FGF13: variants seen among roughly 807,000 people sequenced by gnomAD.
The protein encoded by FGF13 is fibroblast growth factor homologous factor 2.
Under a neutral mutation model 19.5 loss-of-function variants are expected in FGF13, and 2 were observed. That is an observed-to-expected ratio of 0.10 (90% CI 0.04 to 0.32). FGF13 has a LOEUF of 0.32. Ranked by LOEUF, FGF13 falls within the 10% of genes least tolerant of loss-of-function variation. The pLI is 1.00. For missense variants in FGF13, 113 were observed against 192.7 expected, an observed-to-expected ratio of 0.59 and a Z score of 2.45; for synonymous variants, 72 against 76.9, an observed-to-expected ratio of 0.94 and a Z score of 0.33.
At chrX:138,655,427 G>A (rs755836902) in intron 3 of FGF13, among the ~76,000 whole-genome samples, 2 of 112,221 alleles carry the variant, frequency 1.8e-5, no homozygotes, top group East Asian at 2.8e-4. Flanking sequence ...CTATCTTGAC[G>A]ATGGTAGAAG....
chrX:139,064,364 G>A (rs1459509622), intron 1 of FGF13, among the ~76,000 whole-genome samples: 3 of 61,283 alleles, frequency 4.9e-5, no homozygotes, highest in Admixed American at 2.6e-4. Flanking sequence ...CTGCAGTGGC[G>A]CAATCTCGGC....
At chrX:138,646,753 C>T (rs973247030) in intron 3 of FGF13, among the ~76,000 whole-genome samples, 3 of 111,473 alleles carry the variant, frequency 2.7e-5, no homozygotes, top group Non-Finnish European at 5.6e-5. Context: ...TTTTCAGGTA[C>T]AGACGCAGGT....
At chrX:138,773,113 A>T (rs936598447) in intron 3 of FGF13, among the ~76,000 whole-genome samples, 1 of 111,414 alleles carries the variant, frequency 9.0e-6, no homozygotes, top group African/African-American at 3.3e-5. Context: ...TGATTGAATG[A>T]ATGATCAGCA....
At chrX:139,198,531 A>G (rs1379630949) in intron 1 of FGF13, among the ~76,000 whole-genome samples, 1 of 111,977 alleles carries the variant, frequency 8.9e-6, no homozygotes, top group Non-Finnish European at 1.9e-5. Flanking sequence ...TACTATTTCT[A>G]TTTGAAAATC....
In FGF13 at chrX:139,177,924, C is replaced by T. The variant is rs1428455317; in HGVS notation, c.-113+25492G>A. The stretch of plus-strand genomic sequence containing the variant: ...CATGGGAAAAGCATAGTATCTGGTC[C>T]GGAATGCACTGTTCCTCACAGCACA... On this transcript the variant is annotated intron_variant, in intron 1 of 2. Transcript: ENST00000421460. 3.6e-5 allele frequency among the ~76,000 whole-genome samples: 4 copies of T among 112,212 alleles called. No homozygotes were observed. In the East Asian group the frequency reaches 8.5e-4, roughly 24 times the overall value.
chrX:138,815,136 A>G (rs2090952585), intron 3 of FGF13, among the ~76,000 whole-genome samples: 2 of 111,037 alleles, frequency 1.8e-5, no homozygotes, highest in African/African-American at 6.5e-5. Context: ...AAATCTAAAA[A>G]TGTCAAACTC....
In FGF13 at chrX:138,711,352, C is replaced by CA. The variant is rs757479747; in HGVS notation, c.-350dup. ...GCGCCCGGCGGACACCGTGCATGTCCAGCTGCTCCGGTCCGAATTTCGCCG... is the reference window on the plus strand; with the variant it reads ...GCGCCCGGCGGACACCGTGCATGTCCAAGCTGCTCCGGTCCGAATTTCGCCG... On this transcript the variant is annotated 5_prime_UTR_variant, in exon 1 of 5. Transcript: ENST00000315930. The CA allele has an allele frequency of 5.3e-6, 3 of 563,746 alleles. No individual in the cohort carries two copies. The highest frequency in any genetic ancestry group is 8.6e-5 in the African/African-American group (1 of 11,594). 46.5% of individuals were successfully genotyped at this position (563,746 alleles called of 1,213,427 possible).
intron 3 of FGF13, among the ~76,000 whole-genome samples, chrX:138,763,616 C>G (rs1055119886): frequency 3.6e-5 from 4 of 112,111 alleles, no homozygotes; most frequent in African/African-American, 1.3e-4. Context: ...GTATTATCCT[C>G]TACCCTAAAT....
intron 3 of FGF13, among the ~76,000 whole-genome samples, chrX:138,643,853 C>A (rs778490941): frequency 4.5e-5 from 5 of 110,804 alleles, no homozygotes; most frequent in Non-Finnish European, 9.4e-5. Context: ...AAAGGTGAAT[C>A]AAATATCAGA....
At chrX:138,732,533 T>A (rs1349346316) in intron 1 of FGF13, among the ~76,000 whole-genome samples, 1 of 111,107 alleles carries the variant, frequency 9.0e-6, no homozygotes, top group Non-Finnish European at 1.9e-5. Context: ...AGTTCTAAAA[T>A]AGGAAAAACG....
intron 3 of FGF13, among the ~76,000 whole-genome samples, chrX:138,636,502 TTGTG>T (rs1272722148): frequency 8.9e-6 from 1 of 112,209 alleles, no homozygotes. Flanking sequence ...AAAAAACCTT[TTGTG>T]TGTTTGAGTG....
At chrX:138,984,523 G>GAAGAAGAACAAGAA (rs2091979498) in intron 1 of FGF13, among the ~76,000 whole-genome samples, 2 of 31,578 alleles carry the variant, frequency 6.3e-5, no homozygotes, top group African/African-American at 2.5e-4. Flanking sequence ...AAGAAGAAGA[G>GAAGAAGAACAAGAA]GAAGAAGAAG....
intron 3 of FGF13, 101 bp from the exon 4 acceptor site, chrX:138,635,756 A>C: frequency 1.7e-6 from 1 of 591,632 alleles, no homozygotes. Flanking sequence ...CATACTTTGT[A>C]AAAGCTCGTG....
intron 3 of FGF13, among the ~76,000 whole-genome samples, chrX:138,757,630 G>A (rs751775866): frequency 1.8e-5 from 2 of 110,952 alleles, no homozygotes; most frequent in Admixed American, 1.9e-4. Flanking sequence ...CAGGAAGGAA[G>A]ACACCAAAAA....
chrX:138,861,975 C>T (rs1156744696), intron 2 of FGF13, among the ~76,000 whole-genome samples: 1 of 111,846 alleles, frequency 8.9e-6, no homozygotes, highest in Non-Finnish European at 1.9e-5. Flanking sequence ...TACACACCAA[C>T]CTGGGCGACA....
intron 1 of FGF13, among the ~76,000 whole-genome samples, chrX:138,736,723 A>AAT (rs752280765): frequency 4.5e-5 from 5 of 110,870 alleles, no homozygotes; most frequent in African/African-American, 6.6e-5. Context: ...TATATACACA[A>AAT]ATATATATAT....
chrX:139,129,188 T>C (rs1474171090), intron 1 of FGF13, among the ~76,000 whole-genome samples: 1 of 107,464 alleles, frequency 9.3e-6, no homozygotes, highest in African/African-American at 3.4e-5. Flanking sequence ...CACATGTGTG[T>C]GTGTGTAATT....
chrX:139,125,120 G>A (rs1176011037), intron 1 of FGF13, among the ~76,000 whole-genome samples: 1 of 111,545 alleles, frequency 9.0e-6, no homozygotes, highest in African/African-American at 3.3e-5. Context: ...CATGGAACAA[G>A]GACCCAATCA....
upstream of FGF13, among the ~76,000 whole-genome samples, chrX:138,742,674 C>T (rs776817673): frequency 1.6e-4 from 18 of 111,886 alleles, no homozygotes; most frequent in East Asian, 1.1e-3. Context: ...CACTGCATTG[C>T]GGTCAAGCAG....
Sources: gnomAD v4.1 joint callset for allele counts (sites outside exome capture counted in the v4.1 genomes callset) on GRCh38, gnomAD v4.1.1 for gene constraint, MANE v1.5 for transcripts, NCBI Gene and HGNC (gene_info 2026-07-23, HGNC 2026-07-21) for gene names.